The following ZMYM2 variants were observed in gnomAD, a reference collection of about 807,000 sequenced individuals.
ZMYM2 encodes zinc finger MYM-type protein 2.
A neutral mutation model predicts 162.8 loss-of-function variants in ZMYM2; 56 were observed. The observed-to-expected ratio is 0.34, with a 90% CI of 0.28 to 0.43. The LOEUF (loss-of-function observed/expected upper bound fraction) is 0.43, where lower values mean the gene tolerates loss of function less well. Ranked by LOEUF, ZMYM2 falls within the 20% of genes least tolerant of loss-of-function variation. ZMYM2 has a pLI of 1.00. For missense variants in ZMYM2, 1,275 were observed against 1,621.8 expected, an observed-to-expected ratio of 0.79 and a Z score of 3.67; for synonymous variants, 510 against 541.6, an observed-to-expected ratio of 0.94 and a Z score of 0.81.
At chr13:19,934,636 TG>T in the ZMYM2 span, among the ~76,000 whole-genome samples, 28 of 152,326 alleles carry the variant, frequency 1.8e-4, no homozygotes, top group African/African-American at 6.5e-4. Context: ...TTCCTTCTTT[TG>T]GTGCTAGCTC....
intron 4 of ZMYM2, 95 bp from the exon 5 acceptor site, chr13:20,004,979 A>T: frequency 2.3e-6 from 2 of 870,238 alleles, no homozygotes; most frequent in Non-Finnish European, 1.7e-6. Context: ...TTTGATTTGC[A>T]GGACTTAGTC....
At chr13:19,904,816 T>C in the ZMYM2 span, among the ~76,000 whole-genome samples, 1 of 152,126 alleles carries the variant, frequency 6.6e-6, no homozygotes, top group Non-Finnish European at 1.5e-5. Flanking sequence ...CTTATTTCAC[T>C]AAACATAATG....
chr13:20,040,796 C>T (rs964831584), intron 12 of ZMYM2, among the ~76,000 whole-genome samples: 2 of 152,120 alleles, frequency 1.3e-5, no homozygotes, highest in Admixed American at 1.3e-4. Context: ...AATTCTGGTA[C>T]GTTGTATCTT....
chr13:19,992,989 A>G, intron 2 of ZMYM2, 74 bp from the exon 3 acceptor site: 1 of 1,463,308 alleles, frequency 6.8e-7, no homozygotes, highest in African/African-American at 1.4e-5. Flanking sequence ...GTACCCTTTA[A>G]ATCAATGGTT....
At chr13:20,043,749 G>GCA (rs976491000) in intron 12 of ZMYM2, among the ~76,000 whole-genome samples, 3 of 152,036 alleles carry the variant, frequency 2.0e-5, no homozygotes, top group African/African-American at 7.2e-5. Flanking sequence ...AGGGCAGGGT[G>GCA]CACACACACA....
At chr13:19,954,772 T>C (rs762010144), upstream of ZMYM2, among the ~76,000 whole-genome samples, 2 of 152,136 alleles carry the variant, frequency 1.3e-5, no homozygotes, top group Non-Finnish European at 2.9e-5. Flanking sequence ...CCTTCTTTCA[T>C]AGAAAATTTT....
intron 9 of ZMYM2, among the ~76,000 whole-genome samples, chr13:20,030,759 C>T (rs1953054227): frequency 6.6e-6 from 1 of 152,052 alleles, no homozygotes; most frequent in African/African-American, 2.4e-5. Flanking sequence ...GTCTCGAACT[C>T]CTGACCTTGG....
At chr13:19,968,726 A>G (rs1393227030) in intron 2 of ZMYM2, among the ~76,000 whole-genome samples, 1 of 152,224 alleles carries the variant, frequency 6.6e-6, no homozygotes, top group Non-Finnish European at 1.5e-5. Context: ...TTTTTCCTAA[A>G]GCTCAGTCTG....
chr13:19,883,081 GTATT>G, the ZMYM2 span, among the ~76,000 whole-genome samples: 1 of 152,142 alleles, frequency 6.6e-6, no homozygotes, highest in East Asian at 1.9e-4. Context: ...AAGTAATGAA[GTATT>G]TATGTATGCT....
intron 2 of ZMYM2, among the ~76,000 whole-genome samples, chr13:19,979,265 G>T (rs1177239516): frequency 6.6e-6 from 1 of 152,056 alleles, no homozygotes; most frequent in Non-Finnish European, 1.5e-5. Flanking sequence ...AGTTTGTTGA[G>T]CTTCTTGGAT....
chr13:19,965,160 A>G, intron 2 of ZMYM2: 2 of 1,002,880 alleles, frequency 2.0e-6, no homozygotes, highest in Non-Finnish European at 2.6e-6. Context: ...AGTTGCAGAC[A>G]GAATAATGTT....
At chr13:20,044,855 G>C (rs1954610282) in intron 12 of ZMYM2, among the ~76,000 whole-genome samples, 1 of 151,848 alleles carries the variant, frequency 6.6e-6, no homozygotes, top group Admixed American at 6.6e-5. Context: ...TTCAAGACCA[G>C]CCTGGCCAAC....
intron 12 of ZMYM2, among the ~76,000 whole-genome samples, chr13:20,045,966 G>T (rs1030806307): frequency 6.6e-6 from 1 of 151,744 alleles, no homozygotes; most frequent in African/African-American, 2.4e-5. Flanking sequence ...CTGGGGCTGG[G>T]TGCAGTGGCT....
chr13:20,041,940 A>G (rs1954290870), intron 12 of ZMYM2, among the ~76,000 whole-genome samples: 2 of 151,998 alleles, frequency 1.3e-5, no homozygotes, highest in African/African-American at 4.8e-5. Flanking sequence ...TAGTCCGATG[A>G]GTTTCCGTTT....
At chr13:19,924,435 G>A in the ZMYM2 span, among the ~76,000 whole-genome samples, 2 of 152,240 alleles carry the variant, frequency 1.3e-5, no homozygotes, top group Non-Finnish European at 2.9e-5. Flanking sequence ...GGGTGTGGTA[G>A]TGTGTGCCTG....
At chr13:19,877,221 A>AC in the ZMYM2 span, among the ~76,000 whole-genome samples, 2 of 149,886 alleles carry the variant, frequency 1.3e-5, no homozygotes. Flanking sequence ...CAAAAAAAAA[A>AC]AAAAAAACAA....
chr13:19,957,304 G>A (rs1954595541), upstream of ZMYM2, among the ~76,000 whole-genome samples: 1 of 152,134 alleles, frequency 6.6e-6, no homozygotes, highest in African/African-American at 2.4e-5. Flanking sequence ...TATCATATAT[G>A]TTTATTAATA....
chr13:19,940,127 A>T, the ZMYM2 span, among the ~76,000 whole-genome samples: 1 of 152,238 alleles, frequency 6.6e-6, no homozygotes, highest in Admixed American at 6.5e-5. Context: ...ATAGCCTGAA[A>T]TTGGAAAAGT....
chr13:19,957,861 T>G (rs1392334216), upstream of ZMYM2, among the ~76,000 whole-genome samples: 2 of 152,138 alleles, frequency 1.3e-5, no homozygotes, highest in Non-Finnish European at 2.9e-5. Flanking sequence ...GGGAGCTGCG[T>G]CTGGGTCTCT....
Sources: gnomAD v4.1 joint callset for allele counts (sites outside exome capture counted in the v4.1 genomes callset) on GRCh38, gnomAD v4.1.1 for gene constraint, MANE v1.5 for transcripts, NCBI Gene and HGNC (gene_info 2026-07-23, HGNC 2026-07-21) for gene names.